The following MYO1D variants were observed in gnomAD, a reference collection of about 807,000 sequenced individuals.
MYO1D encodes unconventional myosin-Id.
MYO1D carries 83 observed loss-of-function variants against 122.0 expected under a neutral mutation model. The ratio of observed to expected loss-of-function variants is 0.68; its 90% confidence interval spans 0.57 to 0.82. MYO1D has a LOEUF of 0.82. Ranked by LOEUF, MYO1D falls within the 40% of genes least tolerant of loss-of-function variation. The probability of loss-of-function intolerance (pLI) is 0.00; values close to 1 mark genes in which losing one functional copy is unlikely to be tolerated. For synonymous variants in MYO1D, 464 were observed against 446.9 expected (o/e 1.04, Z -0.48); for missense variants, 1,157 against 1,269.5 (o/e 0.91, Z 1.35).
chr17:32,702,938 CAA>C (rs1429195802), intron 16 of MYO1D, among the ~76,000 whole-genome samples: 1 of 152,126 alleles, frequency 6.6e-6, no homozygotes, highest in Non-Finnish European at 1.5e-5. Flanking sequence ...TTTAAATTTC[CAA>C]AGAGTTGACA....
Position 32,778,570 on chromosome 17 carries a change from T to A in MYO1D, c.308A>T (p.Glu103Val). The change falls in exon 3 of 22, where the codon GAA (glutamate) becomes GTA (valine). Residue 103 changes from glutamate to valine, a missense_variant. By Grantham distance (121) the Glu-to-Val change is moderately radical. Coordinates refer to ENST00000318217, the MANE Select transcript of MYO1D (RefSeq NM_015194.3). ...SKDTCIVISG[E>V]SGAGKTEASK... is the part of the protein sequence containing the mutation. The stretch of plus-strand genomic sequence containing the variant: ...GGCTTCCGTTTTACCAGCTCCACTT[T>A]CCCCTGGGGGGAAAAATTGTTCAGG... 1 of 1,613,374 alleles carries A rather than the reference T, an allele frequency of 6.2e-7. No homozygotes were observed. Among genetic ancestry groups the A allele is most frequent in the Non-Finnish European group, 8.5e-7 (1 of 1,179,398 alleles).
At position 32,726,574 on chromosome 17, in the gene MYO1D, ATATAT is replaced by A. The variant is rs746782767; in HGVS notation, c.1747-5390_1747-5386del. Reference sequence around the variant, plus strand: ...GATGTAAATTACAATCTAAATAGATATATATTATATCTATATCATCTAATAGCTAT... The same window carrying A: ...GATGTAAATTACAATCTAAATAGATATATATCTATATCATCTAATAGCTAT... On this transcript the variant is annotated intron_variant, in intron 14 of 21. Coordinates refer to ENST00000318217, the MANE Select transcript of MYO1D (RefSeq NM_015194.3). 2.2e-3 allele frequency among the ~76,000 whole-genome samples: 326 copies of A among 150,328 alleles called. 1 individual carries two copies. The highest frequency in any genetic ancestry group is 2.5e-3 in the Non-Finnish European group (168 of 67,646).
chr17:32,513,352 C>T (rs1020046290), intron 21 of MYO1D, among the ~76,000 whole-genome samples: 5 of 152,062 alleles, frequency 3.3e-5, no homozygotes, highest in Non-Finnish European at 5.9e-5. Context: ...GAGAACGTGG[C>T]GACTGGCTGA....
chr17:32,678,254 CTTTTT>C (rs67248492), intron 16 of MYO1D, among the ~76,000 whole-genome samples: 2 of 149,164 alleles, frequency 1.3e-5, no homozygotes, highest in African/African-American at 2.5e-5. Flanking sequence ...AAATATATTT[CTTTTT>C]TTTTTTCTTT....
chr17:32,759,138 T>A (rs1275276874), intron 10 of MYO1D, among the ~76,000 whole-genome samples: 2 of 152,160 alleles, frequency 1.3e-5, no homozygotes, highest in Non-Finnish European at 2.9e-5. Flanking sequence ...TTGAACTGAA[T>A]TAAATTTTAA....
intron 1 of MYO1D, among the ~76,000 whole-genome samples, chr17:32,824,138 A>G (rs2090701045): frequency 6.6e-6 from 1 of 152,056 alleles, no homozygotes; most frequent in Admixed American, 6.6e-5. Flanking sequence ...GAGACCAAAC[A>G]TATCTGTCAT....
At chr17:32,583,715 C>T (rs778972618) in intron 21 of MYO1D, among the ~76,000 whole-genome samples, 8 of 150,960 alleles carry the variant, frequency 5.3e-5, no homozygotes, top group South Asian at 2.1e-4. Flanking sequence ...TCTAAAAGTT[C>T]GATTTGAGTC....
intron 17 of MYO1D, among the ~76,000 whole-genome samples, chr17:32,658,335 A>AT (rs2088506530): frequency 6.6e-6 from 1 of 152,220 alleles, no homozygotes; most frequent in Non-Finnish European, 1.5e-5. Flanking sequence ...ATGGAGTATC[A>AT]TGATAAAATG....
intron 17 of MYO1D, among the ~76,000 whole-genome samples, chr17:32,655,891 G>A (rs1328151178): frequency 6.6e-6 from 1 of 152,156 alleles, no homozygotes; most frequent in Non-Finnish European, 1.5e-5. Flanking sequence ...GGAGGTGGAG[G>A]TGGAGGTGGA....
intron 1 of MYO1D, chr17:32,792,464 C>T (rs1350945885): frequency 6.6e-6 from 1 of 152,158 alleles, no homozygotes; most frequent in Non-Finnish European, 1.5e-5. Context: ...TTCAGCCCAC[C>T]TTGCCAGTTC....
intron 21 of MYO1D, among the ~76,000 whole-genome samples, chr17:32,522,081 C>CA (rs35096680): frequency 0.029 from 1,811 of 63,110 alleles, 72 homozygotes; most frequent in East Asian, 0.067. Flanking sequence ...GACTCTGTCT[C>CA]AAAAAAAAAA....
At chr17:32,584,360 G>T (rs370898429) in intron 21 of MYO1D, among the ~76,000 whole-genome samples, 3 of 152,052 alleles carry the variant, frequency 2.0e-5, no homozygotes, top group East Asian at 1.9e-4. Context: ...TGAACCTCAA[G>T]AAATAGATTT....
intron 13 of MYO1D, among the ~76,000 whole-genome samples, chr17:32,739,901 A>G (rs1367050132): frequency 6.6e-6 from 1 of 152,238 alleles, no homozygotes; most frequent in Non-Finnish European, 1.5e-5. Context: ...ACACAGACAG[A>G]GCAACACTCC....
At chr17:32,586,575 T>C (rs1255841787) in intron 21 of MYO1D, among the ~76,000 whole-genome samples, 3 of 152,220 alleles carry the variant, frequency 2.0e-5, no homozygotes. Context: ...ATTCAAGTCA[T>C]TGTTTAAGAA....
intron 21 of MYO1D, among the ~76,000 whole-genome samples, chr17:32,556,407 T>G (rs1411408409): frequency 6.6e-6 from 1 of 152,192 alleles, no homozygotes; most frequent in Non-Finnish European, 1.5e-5. Context: ...GTGGGGCTCC[T>G]GAGGGCTCGA....
intron 1 of MYO1D, among the ~76,000 whole-genome samples, chr17:32,801,484 G>A (rs191507429): frequency 4.3e-4 from 65 of 152,288 alleles, no homozygotes; most frequent in Middle Eastern, 6.8e-3. Flanking sequence ...TGGCCTGCAT[G>A]GCAGGGGGAG....
intron 4 of MYO1D, 122 bp from the exon 5 acceptor site, chr17:32,772,964 C>T (rs2090132855): frequency 2.7e-6 from 2 of 734,096 alleles, no homozygotes; most frequent in Admixed American, 2.2e-5. Flanking sequence ...ATCCAGATGG[C>T]CTGAAGCAAC....
chr17:32,533,799 G>A (rs1488105651), intron 21 of MYO1D, among the ~76,000 whole-genome samples: 7 of 151,626 alleles, frequency 4.6e-5, no homozygotes, highest in African/African-American at 9.7e-5. Flanking sequence ...TTCTTTGCCC[G>A]TACCCTATTT....
intron 1 of MYO1D, among the ~76,000 whole-genome samples, chr17:32,875,691 TGATTGACCCCTGTCAACTG>T (rs2091221917): frequency 1.3e-5 from 2 of 152,316 alleles, no homozygotes; most frequent in East Asian, 3.9e-4. Context: ...GTAATCAACC[TGATTGACCCCTGTCAACTG>T]GATTGACAGG....
Sources: gnomAD v4.1 joint callset for allele counts (sites outside exome capture counted in the v4.1 genomes callset) on GRCh38, gnomAD v4.1.1 for gene constraint, MANE v1.5 for transcripts, NCBI Gene and HGNC (gene_info 2026-07-23, HGNC 2026-07-21) for gene names.